Variants in CERS3 observed in about 807,000 individuals in gnomAD.
CERS3 encodes the protein ceramide synthase 3.
In CERS3, 33 loss-of-function variants were observed where a neutral mutation model predicts 50.3. The observed-to-expected ratio is 0.66, with a 90% CI of 0.50 to 0.88. The LOEUF is 0.88. Among genes scored for constraint, CERS3 ranks in the 40% least tolerant of loss-of-function variants. The pLI, the probability that CERS3 is intolerant of heterozygous loss-of-function variation, is 0.00. For missense variants in CERS3, 470 were observed against 460.3 expected (o/e 1.02, Z -0.19); for synonymous variants, 176 against 155.2 (o/e 1.13, Z -0.99).
At chr15:100,454,923 G>A (rs1010558985) in intron 11 of CERS3, among the ~76,000 whole-genome samples, 1 of 152,016 alleles carries the variant, frequency 6.6e-6, no homozygotes, top group Admixed American at 6.6e-5. Flanking sequence ...AAGGGGCAAA[G>A]GACATGAATA....
intron 11 of CERS3, among the ~76,000 whole-genome samples, chr15:100,444,703 G>A (rs2033857867): frequency 6.6e-6 from 1 of 152,132 alleles, no homozygotes. Flanking sequence ...TCAGGGATTT[G>A]CCTCCACCCA....
chr15:100,451,204 A>C (rs1213275601), intron 11 of CERS3, among the ~76,000 whole-genome samples: 2 of 152,232 alleles, frequency 1.3e-5, no homozygotes, highest in Non-Finnish European at 2.9e-5. Flanking sequence ...AATGATAAAC[A>C]GTAAGAGAGA....
Position 100,402,613 on chromosome 15 carries a change from A to C in CERS3, c.*100T>G. ...GTGGGAGGGAAGGCGGTGGTGAGAAAGAGGGAAGGGCAGAATGTGGGGTCG... is the reference window on the plus strand; with the variant it reads ...GTGGGAGGGAAGGCGGTGGTGAGAACGAGGGAAGGGCAGAATGTGGGGTCG... On this transcript the variant is annotated 3_prime_UTR_variant, in exon 12 of 12. Transcript: ENST00000679737. The C allele has an allele frequency of 8.4e-7, 1 of 1,195,908 alleles. No homozygotes were observed. The highest frequency in any genetic ancestry group is 1.5e-5 in the African/African-American group (1 of 65,434). The allele number at this position is 1,195,908 out of a possible 1,614,324, so 74.1% of individuals were successfully genotyped here.
intron 2 of CERS3, among the ~76,000 whole-genome samples, chr15:100,517,690 T>A (rs1191091917): frequency 6.6e-6 from 1 of 152,138 alleles, no homozygotes; most frequent in Admixed American, 6.5e-5. Flanking sequence ...TCTTATGTAA[T>A]GTTTGCAGGC....
intron 10 of CERS3, among the ~76,000 whole-genome samples, chr15:100,468,693 T>C (rs2034864132): frequency 6.6e-6 from 1 of 152,190 alleles, no homozygotes; most frequent in African/African-American, 2.4e-5. Flanking sequence ...CATGTTACTC[T>C]GGTTTCTGTC....
intron 11 of CERS3, among the ~76,000 whole-genome samples, chr15:100,413,878 A>G (rs2031691515): frequency 6.6e-6 from 1 of 151,770 alleles, no homozygotes; most frequent in Non-Finnish European, 1.5e-5. Context: ...ACCTCCCAAA[A>G]TTGAATCAGG....
chr15:100,482,611 T>TTA (rs1491494792), intron 5 of CERS3, among the ~76,000 whole-genome samples: 2 of 80,014 alleles, frequency 2.5e-5, no homozygotes, highest in Non-Finnish European at 5.4e-5. Flanking sequence ...TTTTTTTTTT[T>TTA]AAAAAAAAGG....
intron 1 of CERS3, among the ~76,000 whole-genome samples, chr15:100,525,520 G>A (rs1204558694): frequency 6.6e-6 from 1 of 152,140 alleles, no homozygotes; most frequent in African/African-American, 2.4e-5. Flanking sequence ...TTGAAATTAT[G>A]ATAATAACAA....
chr15:100,418,080 A>G (rs1157160874), intron 11 of CERS3, among the ~76,000 whole-genome samples: 1 of 152,066 alleles, frequency 6.6e-6, no homozygotes, highest in African/African-American at 2.4e-5. Context: ...AGCTGGATGG[A>G]GAATGACTTT....
intron 3 of CERS3, among the ~76,000 whole-genome samples, chr15:100,498,128 T>C (rs1243576787): frequency 6.6e-6 from 1 of 152,056 alleles, no homozygotes; most frequent in Non-Finnish European, 1.5e-5. Flanking sequence ...TCGCCTGATC[T>C]CGTGATCTGC....
At chr15:100,414,038 C>A (rs997020349) in intron 11 of CERS3, among the ~76,000 whole-genome samples, 7 of 152,242 alleles carry the variant, frequency 4.6e-5, no homozygotes, top group Middle Eastern at 3.4e-3. Flanking sequence ...GGTACCAATC[C>A]TACTGAAACT....
At chr15:100,439,266 T>C (rs954980038) in intron 11 of CERS3, among the ~76,000 whole-genome samples, 1 of 152,236 alleles carries the variant, frequency 6.6e-6, no homozygotes, top group African/African-American at 2.4e-5. Context: ...AAGATGTGAC[T>C]ATTACCAAAA....
At chr15:100,406,841 T>G (rs1176505847) in intron 11 of CERS3, among the ~76,000 whole-genome samples, 1 of 152,170 alleles carries the variant, frequency 6.6e-6, no homozygotes, top group Non-Finnish European at 1.5e-5. Context: ...AAAAAAGGTT[T>G]AATGAACTTA....
At chr15:100,531,895 T>A (rs1250179589), upstream of CERS3, among the ~76,000 whole-genome samples, 3 of 152,184 alleles carry the variant, frequency 2.0e-5, no homozygotes, top group African/African-American at 7.2e-5. Context: ...AAATGAAATG[T>A]AGACAATTAA....
At chr15:100,430,094 C>T (rs1185265298) in intron 11 of CERS3, among the ~76,000 whole-genome samples, 13 of 152,030 alleles carry the variant, frequency 8.6e-5, no homozygotes, top group African/African-American at 1.7e-4. Flanking sequence ...GGGCGGATCA[C>T]GAGGTCAGGA....
upstream of CERS3, among the ~76,000 whole-genome samples, chr15:100,533,252 CTTCTA>C (rs2036984348): frequency 1.3e-5 from 2 of 152,186 alleles, no homozygotes; most frequent in Non-Finnish European, 2.9e-5. Context: ...CACCTGTCAC[CTTCTA>C]ACTTACTGTA....
At chr15:100,403,196 G>A (rs1261657188) in intron 11 of CERS3, among the ~76,000 whole-genome samples, 1 of 151,996 alleles carries the variant, frequency 6.6e-6, no homozygotes, top group Admixed American at 6.6e-5. Context: ...AAGAATATTA[G>A]AAAATATTTT....
chr15:100,472,398 G>C (rs1374359753), intron 9 of CERS3, among the ~76,000 whole-genome samples: 1 of 151,544 alleles, frequency 6.6e-6, no homozygotes. Context: ...TTTTAATGTT[G>C]ACTCCTTCAG....
chr15:100,431,281 T>C (rs2033118552), intron 11 of CERS3, among the ~76,000 whole-genome samples: 1 of 152,220 alleles, frequency 6.6e-6, no homozygotes, highest in African/African-American at 2.4e-5. Flanking sequence ...AAAGGCAACA[T>C]AAAATTGCAA....
Sources: allele counts gnomAD v4.1 joint callset (sites outside exome capture counted in the v4.1 genomes callset), GRCh38; gene constraint gnomAD v4.1.1; transcripts MANE v1.5; gene names NCBI Gene and HGNC (gene_info 2026-07-23, HGNC 2026-07-21).